SPATS2: variants seen among roughly 807,000 people sequenced by gnomAD.
SPATS2 encodes spermatogenesis associated serine rich 2.
A neutral mutation model predicts 63.7 loss-of-function variants in SPATS2; 38 were observed. That is an observed-to-expected ratio of 0.60 (90% confidence interval 0.46 to 0.78). SPATS2 has a LOEUF of 0.78. SPATS2 is among the 30% of genes least tolerant of loss of function. SPATS2 has a pLI of 0.00. For synonymous variants in SPATS2, 207 were observed against 232.9 expected, an observed-to-expected ratio of 0.89 and a Z score of 1.01; for missense variants, 588 against 666.2, an observed-to-expected ratio of 0.88 and a Z score of 1.29.
intron 2 of SPATS2, among the ~76,000 whole-genome samples, chr12:49,413,799 C>T (rs1341763276): frequency 1.3e-5 from 2 of 152,058 alleles, no homozygotes; most frequent in Non-Finnish European, 2.9e-5. Context: ...CAGGGCATCT[C>T]CCCCCATTCC....
chr12:49,490,698 A>C lies in SPATS2; in HGVS notation c.231A>C (p.Val77=). 2.5e-6 allele frequency: 4 copies of C among 1,614,044 alleles called. No homozygotes were observed. Among genetic ancestry groups the C allele is most frequent in the Non-Finnish European group, 3.4e-6 (4 of 1,179,974 alleles). Residue 77 remains valine (V), a synonymous_variant, in exon 6 of 14, where the codon GTA becomes GTC. Transcript: ENST00000552918. ...CTCTTACAGGTAGTGCCAGTGAAGT[A>C]CTCAAAGAATGGACAGTAACAGGCA... ...QAFMEGSASE[V]LKEWTVTGKK...
chr12:49,508,908 A>G (rs528074408), intron 9 of SPATS2, among the ~76,000 whole-genome samples: 1 of 152,226 alleles, frequency 6.6e-6, no homozygotes, highest in East Asian at 1.9e-4. Context: ...TCCTAAAAAT[A>G]CAAAAATTAG....
chr12:49,525,344 G>C (rs1947015157), intron 13 of SPATS2, among the ~76,000 whole-genome samples: 1 of 152,300 alleles, frequency 6.6e-6, no homozygotes, highest in South Asian at 2.1e-4. Flanking sequence ...TAATCCATAG[G>C]TTCTTCTCCT....
intron 1 of SPATS2, among the ~76,000 whole-genome samples, chr12:49,367,862 G>C (rs1943929383): frequency 6.6e-6 from 1 of 152,112 alleles, no homozygotes; most frequent in Non-Finnish European, 1.5e-5. Context: ...TGGCGTGAGC[G>C]TGTGTGGGGT....
At chr12:49,508,925 G>T (rs551063438) in intron 9 of SPATS2, among the ~76,000 whole-genome samples, 20 of 152,116 alleles carry the variant, frequency 1.3e-4, no homozygotes, top group African/African-American at 4.8e-4. Context: ...TTAGCCAGGC[G>T]TGGTGGCGTG....
chr12:49,431,008 C>A (rs1241848504), intron 2 of SPATS2, among the ~76,000 whole-genome samples: 1 of 151,950 alleles, frequency 6.6e-6, no homozygotes. Flanking sequence ...AAAAAGGGTG[C>A]GCTATTAATT....
chr12:49,388,520 T>C (rs947815333), intron 2 of SPATS2, among the ~76,000 whole-genome samples: 1 of 151,776 alleles, frequency 6.6e-6, no homozygotes, highest in African/African-American at 2.4e-5. Context: ...ACTACAGGCA[T>C]GTGCCACCAT....
At chr12:49,495,960 T>C (rs1450947206) in intron 7 of SPATS2, among the ~76,000 whole-genome samples, 3 of 152,218 alleles carry the variant, frequency 2.0e-5, no homozygotes, top group Non-Finnish European at 2.9e-5. Flanking sequence ...TGTACCTTTC[T>C]TTGTTAACCA....
chr12:49,426,490 C>T (rs1945078543), intron 2 of SPATS2, among the ~76,000 whole-genome samples: 1 of 152,192 alleles, frequency 6.6e-6, no homozygotes, highest in Non-Finnish European at 1.5e-5. Flanking sequence ...CTTTGCTTAG[C>T]ATTGCTTTTG....
chr12:49,440,264 G>A (rs532578197), intron 2 of SPATS2, among the ~76,000 whole-genome samples: 24 of 152,212 alleles, frequency 1.6e-4, no homozygotes, highest in Non-Finnish European at 3.5e-4. Flanking sequence ...CAAAGTCCAG[G>A]AACTGAAATG....
chr12:49,523,380 T>C (rs1195976319), intron 12 of SPATS2, among the ~76,000 whole-genome samples: 1 of 12,998 alleles, frequency 7.7e-5, no homozygotes, highest in Non-Finnish European at 1.5e-4. Flanking sequence ...ACTCAGGAGG[T>C]GGGGTGGGGG....
chr12:49,397,093 G>C (rs1944525028), intron 2 of SPATS2, among the ~76,000 whole-genome samples: 1 of 152,082 alleles, frequency 6.6e-6, no homozygotes, highest in Non-Finnish European at 1.5e-5. Flanking sequence ...CTTTGTACTT[G>C]CTATTCCCTC....
At chr12:49,418,120 T>TG (rs1276041301) in intron 2 of SPATS2, among the ~76,000 whole-genome samples, 2 of 141,900 alleles carry the variant, frequency 1.4e-5, no homozygotes, top group Non-Finnish European at 3.0e-5. Flanking sequence ...TTTTTTTTTT[T>TG]TTTTTTTTTT....
intron 2 of SPATS2, among the ~76,000 whole-genome samples, chr12:49,385,858 TG>T (rs1944307132): frequency 7.6e-6 from 1 of 131,404 alleles, no homozygotes; most frequent in African/African-American, 3.8e-5. Context: ...TTTGTTTGTT[TG>T]TTTGTTTGTT....
chr12:49,519,050 T>C (rs2138072528), intron 10 of SPATS2, 23 bp from the exon 11 acceptor site: 2 of 1,590,652 alleles, frequency 1.3e-6, no homozygotes, highest in East Asian at 4.5e-5. Flanking sequence ...AACATAAGGT[T>C]CACACTCACT....
chr12:49,461,158 T>A (rs929587532), intron 3 of SPATS2, 121 bp downstream of exon 3: 9 of 1,006,968 alleles, frequency 8.9e-6, no homozygotes, highest in Non-Finnish European at 1.3e-5. Context: ...TATTTATGGA[T>A]ATTAGATTAT....
intron 2 of SPATS2, among the ~76,000 whole-genome samples, chr12:49,451,508 T>C (rs1381378399): frequency 6.6e-6 from 1 of 152,212 alleles, no homozygotes; most frequent in Admixed American, 6.5e-5. Flanking sequence ...ACAGTAATAA[T>C]TAGTTGAATT....
chr12:49,448,830 G>A (rs1441894452), intron 2 of SPATS2, among the ~76,000 whole-genome samples: 2 of 150,670 alleles, frequency 1.3e-5, no homozygotes, highest in East Asian at 1.9e-4. Flanking sequence ...AACCTACTTT[G>A]TATGATTTCA....
At chr12:49,427,239 A>G (rs1359444727) in intron 2 of SPATS2, among the ~76,000 whole-genome samples, 1 of 152,200 alleles carries the variant, frequency 6.6e-6, no homozygotes, top group Admixed American at 6.5e-5. Flanking sequence ...TCAAATATAT[A>G]TGTGTGTCTA....
Sources: gnomAD v4.1 joint callset for allele counts (sites outside exome capture counted in the v4.1 genomes callset) on GRCh38, gnomAD v4.1.1 for gene constraint, MANE v1.5 for transcripts, NCBI Gene and HGNC (gene_info 2026-07-23, HGNC 2026-07-21) for gene names.